The following ACAP2 variants were observed in gnomAD, a reference collection of about 807,000 sequenced individuals.
ACAP2 encodes ArfGAP with coiled-coil, ankyrin repeat and PH domains 2.
Under a neutral mutation model 115.8 loss-of-function variants are expected in ACAP2, and 39 were observed. The observed-to-expected ratio is 0.34, with a 90% confidence interval of 0.26 to 0.44. ACAP2 has a LOEUF of 0.44. Among genes scored for constraint, ACAP2 ranks in the 20% least tolerant of loss-of-function variants. The probability of loss-of-function intolerance (pLI) is 1.00; values close to 1 mark genes in which losing one functional copy is unlikely to be tolerated. For synonymous variants in ACAP2, 289 were observed against 315.8 expected (o/e 0.92, Z 0.90); for missense variants, 662 against 927.6 (o/e 0.71, Z 3.72).
chr3:195,429,871 T>G (rs184728876), intron 1 of ACAP2, among the ~76,000 whole-genome samples: 2 of 152,336 alleles, frequency 1.3e-5, no homozygotes, highest in East Asian at 3.9e-4. Flanking sequence ...GGGAGAGTTC[T>G]TTTTGCCTAT....
At chr3:195,308,060 C>T (rs879313061) in intron 11 of ACAP2, among the ~76,000 whole-genome samples, 1 of 152,096 alleles carries the variant, frequency 6.6e-6, no homozygotes, top group Non-Finnish European at 1.5e-5. Context: ...CACATGTAAT[C>T]CCAATATGTC....
intron 7 of ACAP2, 109 bp downstream of exon 7, chr3:195,336,823 G>T: frequency 1.2e-6 from 1 of 848,036 alleles, no homozygotes; most frequent in African/African-American, 1.8e-5. Flanking sequence ...AAAAAGAAGA[G>T]CAATTATAAA....
intron 3 of ACAP2, 59 bp downstream of exon 3, chr3:195,381,844 T>C (rs200556561): frequency 2.6e-6 from 4 of 1,546,996 alleles, no homozygotes; most frequent in Non-Finnish European, 3.5e-6. Flanking sequence ...AATGCACAAT[T>C]CTTTAATGTC....
chr3:195,282,059 A>G (rs946358936), intron 22 of ACAP2: 3 of 152,222 alleles, frequency 2.0e-5, no homozygotes, highest in Non-Finnish European at 4.4e-5. Context: ...GTTAATACCA[A>G]ATAGTCTACA....
At chr3:195,410,286 GA>G (rs1483300307) in intron 1 of ACAP2, among the ~76,000 whole-genome samples, 1 of 152,114 alleles carries the variant, frequency 6.6e-6, no homozygotes, top group Non-Finnish European at 1.5e-5. Context: ...ATCCATGACT[GA>G]AATGTTAAGA....
chr3:195,426,181 GTTCC>G (rs1387817996), intron 1 of ACAP2, among the ~76,000 whole-genome samples: 2 of 151,820 alleles, frequency 1.3e-5, no homozygotes, highest in Non-Finnish European at 1.5e-5. Context: ...CCTTCCTTCC[GTTCC>G]TTGAAGATCA....
At chr3:195,378,877 A>G (rs1324379587) in intron 4 of ACAP2, among the ~76,000 whole-genome samples, 2 of 151,914 alleles carry the variant, frequency 1.3e-5, no homozygotes, top group African/African-American at 4.8e-5. Context: ...AAAAAAAAAA[A>G]TTATTTGCCA....
intron 15 of ACAP2, 83 bp from the exon 16 acceptor site, chr3:195,297,364 G>A (rs901752776): frequency 1.7e-6 from 2 of 1,207,634 alleles, no homozygotes; most frequent in African/African-American, 1.5e-5. Flanking sequence ...CTTTAAGCAA[G>A]TACAGTTAAC....
intron 1 of ACAP2, among the ~76,000 whole-genome samples, chr3:195,420,510 G>A (rs958568927): frequency 1.1e-4 from 16 of 151,092 alleles, no homozygotes; most frequent in African/African-American, 3.6e-4. Context: ...CACCACACCC[G>A]GCTAATTTTT....
intron 4 of ACAP2, among the ~76,000 whole-genome samples, chr3:195,361,270 A>G (rs1282547384): frequency 2.0e-5 from 3 of 152,044 alleles, no homozygotes; most frequent in Admixed American, 2.0e-4. Context: ...CCCTGTCTCT[A>G]CTAAACAATA....
intron 1 of ACAP2, among the ~76,000 whole-genome samples, chr3:195,417,566 C>T (rs1713839353): frequency 6.6e-6 from 1 of 152,158 alleles, no homozygotes; most frequent in African/African-American, 2.4e-5. Context: ...TAGCAACCAC[C>T]TTCTAAAGGA....
chr3:195,320,743 T>C lies in ACAP2; in HGVS notation c.815A>G (p.Tyr272Cys), dbSNP rs1391355271. 3.1e-6 allele frequency: 5 copies of C among 1,613,610 alleles called. No homozygotes were observed. Among genetic ancestry groups the C allele is most frequent in the East Asian group, 4.5e-5 (2 of 44,790 alleles). ...GGCATTGCTGGCTCGTTTGAACAGA[T>C]ATCCTTCCATAACTATGCCATTTGC... Reference protein sequence around the residue: ...DAANGIVMEGYLFKRASNAFK... With the variant: ...DAANGIVMEGCLFKRASNAFK... The change falls in exon 10 of 23, where the codon TAT (tyrosine) becomes TGT (cysteine). Residue 272 changes from tyrosine to cysteine, a missense_variant. By Grantham distance (194) the Tyr-to-Cys change is radical. This residue lies in a region of ACAP2 where 401 missense variants were observed against 604.4 expected (regional missense o/e 0.66). Transcript: ENST00000326793.
chr3:195,382,429 G>A (rs566784666), intron 2 of ACAP2, among the ~76,000 whole-genome samples: 24 of 150,716 alleles, frequency 1.6e-4, no homozygotes, highest in South Asian at 4.2e-4. Context: ...CCTTAGTACC[G>A]GGCTCTTCTC....
Position 195,428,437 on chromosome 3 carries a change from G to C in ACAP2, c.53+14358C>G, listed in dbSNP as rs752506070. Reference sequence around the variant, plus strand: ...ATCAACAGACCACAAATACAACAGCGGTCCCATGGGATTATAATATCATAT... The same window carrying C: ...ATCAACAGACCACAAATACAACAGCCGTCCCATGGGATTATAATATCATAT... On this transcript the variant is annotated intron_variant, in intron 1 of 22. Coordinates refer to ENST00000326793, the MANE Select transcript of ACAP2 (RefSeq NM_012287.6). 1.4e-4 allele frequency among the ~76,000 whole-genome samples: 21 copies of C among 151,082 alleles called. 1 individual carries two copies. The highest frequency in any genetic ancestry group is 5.3e-4 in the Admixed American group (8 of 15,162).
chr3:195,292,255 A>G lies in ACAP2; in HGVS notation c.1953+10T>C, dbSNP rs373672204. 25 of 1,563,008 alleles carry G rather than the reference A, an allele frequency of 1.6e-5. No individual in the cohort carries two copies. In the African/African-American group the frequency reaches 3.1e-4, roughly 19 times the overall value. Reference sequence around the variant, plus strand: ...ATTGCTACTGAAAATGTCATTGTATAAACGCATACCCCTAATACAGCCTGA... The same window carrying G: ...ATTGCTACTGAAAATGTCATTGTATGAACGCATACCCCTAATACAGCCTGA... On this transcript the variant is annotated intron_variant, in intron 19 of 22. Coordinates refer to ENST00000326793, the MANE Select transcript of ACAP2 (RefSeq NM_012287.6).
At chr3:195,351,638 G>T (rs1731616264) in intron 4 of ACAP2, among the ~76,000 whole-genome samples, 2 of 151,192 alleles carry the variant, frequency 1.3e-5, no homozygotes, top group South Asian at 2.1e-4. Flanking sequence ...CTAATTTTTT[G>T]TATTTTTAGT....
intron 13 of ACAP2, among the ~76,000 whole-genome samples, chr3:195,304,062 G>A (rs1728247259): frequency 6.6e-6 from 1 of 150,730 alleles, no homozygotes; most frequent in African/African-American, 2.4e-5. Flanking sequence ...TACTAGGGAG[G>A]CTGAGGCAGC....
At chr3:195,342,769 G>A in intron 5 of ACAP2, 115 bp from the exon 6 acceptor site, 1 of 710,716 alleles carries the variant, frequency 1.4e-6, no homozygotes, top group South Asian at 2.0e-5. Context: ...GCCGAGGTGG[G>A]TGGATCATGA....
At chr3:195,390,132 G>A (rs1288864880) in intron 2 of ACAP2, among the ~76,000 whole-genome samples, 1 of 152,100 alleles carries the variant, frequency 6.6e-6, no homozygotes, top group African/African-American at 2.4e-5. Context: ...GGAGGCGGAG[G>A]TTGCAAGTGA....
Sources: allele counts gnomAD v4.1 joint callset (sites outside exome capture counted in the v4.1 genomes callset), GRCh38; gene constraint gnomAD v4.1.1; regional missense constraint gnomAD v4.1.1; transcripts MANE v1.5; gene names NCBI Gene and HGNC (gene_info 2026-07-23, HGNC 2026-07-21).